Variants in LRRC37A2 observed in about 807,000 individuals in gnomAD.
LRRC37A2 encodes the protein leucine rich repeat containing 37 member A2.
Under a neutral mutation model 68.8 loss-of-function variants are expected in LRRC37A2, and 9 were observed. That is an observed-to-expected ratio of 0.13 (90% CI 0.08 to 0.23). LRRC37A2 has a LOEUF of 0.23. Among genes scored for constraint, LRRC37A2 ranks in the 10% least tolerant of loss-of-function variants. LRRC37A2 has a pLI of 1.00. For synonymous variants in LRRC37A2, 63 were observed against 367.6 expected (o/e 0.17, Z 9.48); for missense variants, 168 against 950.4 (o/e 0.18, Z 10.82).
the LRRC37A2 span, among the ~76,000 whole-genome samples, chr17:46,893,178 C>T: frequency 4.6e-5 from 7 of 152,200 alleles, no homozygotes; most frequent in African/African-American, 1.7e-4. Context: ...AAGTGATCCA[C>T]CTGCCTCGGC....
chr17:46,892,969 C>T, the LRRC37A2 span, among the ~76,000 whole-genome samples: 23 of 151,774 alleles, frequency 1.5e-4, no homozygotes, highest in South Asian at 4.6e-3. Context: ...TGGAGTCTTG[C>T]TCTGTTGCCC....
At chr17:46,900,752 A>G in the LRRC37A2 span, among the ~76,000 whole-genome samples, 2 of 152,358 alleles carry the variant, frequency 1.3e-5, no homozygotes, top group South Asian at 4.1e-4. Flanking sequence ...CTTTGGCAGC[A>G]GTTGTATGTG....
the LRRC37A2 span, among the ~76,000 whole-genome samples, chr17:46,826,672 G>C: frequency 2.0e-5 from 3 of 152,128 alleles, no homozygotes; most frequent in Admixed American, 2.0e-4. Flanking sequence ...GTCTCAAAAA[G>C]ACAATTGCCT....
At chr17:46,957,688 G>A in the LRRC37A2 span, among the ~76,000 whole-genome samples, 1 of 152,170 alleles carries the variant, frequency 6.6e-6, no homozygotes, top group African/African-American at 2.4e-5. Flanking sequence ...GAGGCAAACA[G>A]GACATGAAGG....
the LRRC37A2 span, among the ~76,000 whole-genome samples, chr17:46,794,398 G>A: frequency 1.3e-5 from 2 of 152,144 alleles, no homozygotes; most frequent in Admixed American, 6.5e-5. Flanking sequence ...TGGATCCCCC[G>A]ACAGGACCTG....
the LRRC37A2 span, among the ~76,000 whole-genome samples, chr17:46,896,452 A>AAGAAAGAAAGAAAGAAAGAG: frequency 1.5e-5 from 1 of 65,834 alleles, no homozygotes; most frequent in African/African-American, 5.2e-5. Context: ...GAAAGAAAGA[A>AAGAAAGAAAGAAAGAAAGAG]AAAGAAAGAA....
the LRRC37A2 span, chr17:47,010,775 G>T: frequency 6.6e-6 from 1 of 152,250 alleles, no homozygotes; most frequent in East Asian, 1.9e-4. Flanking sequence ...AGAGAAGTAG[G>T]CTATGAAAGG....
the LRRC37A2 span, among the ~76,000 whole-genome samples, chr17:46,684,531 A>C: frequency 2.0e-5 from 3 of 152,140 alleles, no homozygotes; most frequent in African/African-American, 7.2e-5. Context: ...TTGAAACAGC[A>C]TGGTACTGTT....
the LRRC37A2 span, among the ~76,000 whole-genome samples, chr17:46,980,380 CTTCT>C: frequency 0.019 from 2,926 of 151,278 alleles, 106 homozygotes; most frequent in African/African-American, 0.066. Flanking sequence ...TCTTCTTTCT[CTTCT>C]TTCTTTCTCT....
At chr17:46,852,635 T>C in the LRRC37A2 span, among the ~76,000 whole-genome samples, 3 of 152,010 alleles carry the variant, frequency 2.0e-5, no homozygotes, top group Admixed American at 6.6e-5. Context: ...GCGGGTATCA[T>C]GGGTAAGAAG....
chr17:46,736,146 T>C, the LRRC37A2 span, among the ~76,000 whole-genome samples: 1 of 152,180 alleles, frequency 6.6e-6, no homozygotes, highest in Non-Finnish European at 1.5e-5. Flanking sequence ...TCTCATTCAC[T>C]GAAATTTAGA....
the LRRC37A2 span, among the ~76,000 whole-genome samples, chr17:46,392,419 C>CTCTCTCTTTCTT: frequency 2.0e-4 from 11 of 55,750 alleles, 3 homozygotes; most frequent in African/African-American, 5.4e-4. Context: ...TTCTCTCTCT[C>CTCTCTCTTTCTT]TCTTTCTTTC....
At chr17:46,804,925 C>G in the LRRC37A2 span, among the ~76,000 whole-genome samples, 7 of 140,726 alleles carry the variant, frequency 5.0e-5, no homozygotes, top group African/African-American at 1.8e-4. Flanking sequence ...GCCCACCCCC[C>G]CCACCCCCAA....
chr17:46,927,611 G>C, the LRRC37A2 span, among the ~76,000 whole-genome samples: 1 of 152,302 alleles, frequency 6.6e-6, no homozygotes, highest in East Asian at 1.9e-4. Flanking sequence ...ACAAACCGGA[G>C]CTGTTGGCAT....
chr17:46,785,848 G>A, the LRRC37A2 span, among the ~76,000 whole-genome samples: 1 of 152,222 alleles, frequency 6.6e-6, no homozygotes, highest in African/African-American at 2.4e-5. Context: ...GAAAAGGGAA[G>A]GGAGGGAAGG....
the LRRC37A2 span, chr17:46,877,048 G>A: frequency 9.6e-6 from 11 of 1,146,190 alleles, no homozygotes; most frequent in Non-Finnish European, 1.2e-5. Flanking sequence ...CGGGAGAGAG[G>A]GGCTATTCCA....
chr17:46,733,350 T>C, the LRRC37A2 span, among the ~76,000 whole-genome samples: 4 of 148,466 alleles, frequency 2.7e-5, no homozygotes, highest in Admixed American at 2.0e-4. Flanking sequence ...TGCCACCTTC[T>C]TTTTTTTTTC....
chr17:46,833,585 G>C, the LRRC37A2 span: 1 of 371,588 alleles, frequency 2.7e-6, no homozygotes, highest in Non-Finnish European at 5.3e-6. Flanking sequence ...TGCTCAGTGT[G>C]GTGGGCAGCC....
chr17:47,018,282 G>T, the LRRC37A2 span: 1 of 1,611,474 alleles, frequency 6.2e-7, no homozygotes, highest in Non-Finnish European at 8.5e-7. Flanking sequence ...GCAGCAGCCA[G>T]TTCAGCCTTC....
Sources: allele counts gnomAD v4.1 joint callset (sites outside exome capture counted in the v4.1 genomes callset), GRCh38; gene constraint gnomAD v4.1.1; transcripts MANE v1.5; gene names NCBI Gene and HGNC (gene_info 2026-07-23, HGNC 2026-07-21).